The following CIDEB variants were observed in gnomAD, a reference collection of about 807,000 sequenced individuals.
The protein encoded by CIDEB is lipid transferase CIDEB.
In CIDEB, 27 loss-of-function variants were observed where a neutral mutation model predicts 22.4. That is an observed-to-expected ratio of 1.21 (90% confidence interval 0.89 to 1.66). The LOEUF (loss-of-function observed/expected upper bound fraction) is 1.66, where lower values mean the gene tolerates loss of function less well. Among genes scored for constraint, CIDEB ranks in the 40% most tolerant of loss-of-function variants. The pLI is 0.00. For missense variants in CIDEB, 289 were observed against 268.7 expected (o/e 1.08, Z -0.53); for synonymous variants, 103 against 109.5 (o/e 0.94, Z 0.37).
upstream of CIDEB, chr14:24,310,177 G>C: frequency 3.0e-6 from 1 of 338,082 alleles, no homozygotes; most frequent in Non-Finnish European, 5.5e-6. Flanking sequence ...ATAGGCACAG[G>C]ACAGGAGTAG....
Position 24,307,944 on chromosome 14 carries a change from A to C in CIDEB, c.-86T>G. 1 of 1,244,468 alleles carries C rather than the reference A, an allele frequency of 8.0e-7. No individual in the cohort carries two copies. The highest frequency in any genetic ancestry group is 1.2e-6 in the Non-Finnish European group (1 of 867,524). The allele number at this position is 1,244,468 out of a possible 1,614,324, so 77.1% of individuals were successfully genotyped here. On this transcript the variant is annotated 5_prime_UTR_variant, in exon 1 of 5. Coordinates refer to ENST00000554411, the MANE Select transcript of CIDEB (RefSeq NM_001393339.1). Reference sequence around the variant, plus strand: ...GGCTTTAGTGGTGTTTTCTGTTACAAACCTGGGATCTCAGCCCAGGACAAG... The same window carrying C: ...GGCTTTAGTGGTGTTTTCTGTTACACACCTGGGATCTCAGCCCAGGACAAG...
chr14:24,308,154 T>C (rs954647348), upstream of CIDEB: 7 of 454,808 alleles, frequency 1.5e-5, no homozygotes, highest in East Asian at 2.4e-4. Context: ...ATGGGAACCA[T>C]GTAAAAGGAT....
At position 24,305,211 on chromosome 14, in the gene CIDEB, T is replaced by C; in HGVS notation, c.*422A>G. ...CTTAGTGGTAAATATTTGATATTTT[T>C]ATTGGAAATGTTTTTGTTAGTTTGA... On this transcript the variant is annotated 3_prime_UTR_variant, in exon 5 of 5. Coordinates refer to ENST00000554411, the MANE Select transcript of CIDEB (RefSeq NM_001393339.1). 3 of 1,127,430 alleles carry C rather than the reference T, an allele frequency of 2.7e-6. No homozygotes were observed. Among genetic ancestry groups the C allele is most frequent in the Non-Finnish European group, 3.6e-6 (3 of 843,750 alleles). The allele number at this position is 1,127,430 out of a possible 1,614,324, so 69.8% of individuals were successfully genotyped here. A position where few individuals can be genotyped will look rare whatever the true frequency, so the allele number is the denominator to read the frequency against.
chr14:24,307,977 T>C lies in CIDEB; in HGVS notation c.-119A>G, dbSNP rs2041572796. The C allele has an allele frequency of 4.2e-6, 4 of 957,354 alleles. No homozygotes were observed. The highest frequency in any genetic ancestry group is 1.6e-5 in the African/African-American group (1 of 61,362). The allele number at this position is 957,354 out of a possible 1,614,324, so 59.3% of individuals were successfully genotyped here. A position where few individuals can be genotyped will look rare whatever the true frequency, so the allele number is the denominator to read the frequency against. ...ATCTCAGCCCAGGACAAGGTGGGAA[T>C]GAGTCAAGCCTGGACTCTGGCCCCC... On this transcript the variant is annotated 5_prime_UTR_variant, in exon 1 of 5. Transcript: ENST00000554411.
intron 1 of CIDEB, 70 bp from the exon 2 acceptor site, chr14:24,307,585 G>T: frequency 6.5e-7 from 1 of 1,545,882 alleles, no homozygotes; most frequent in Non-Finnish European, 8.8e-7. Context: ...CATGATGAGG[G>T]TAGAGTGGCT....
At chr14:24,306,624 TC>T in intron 2 of CIDEB, 101 bp from the exon 3 acceptor site, 2 of 1,505,356 alleles carry the variant, frequency 1.3e-6, no homozygotes, top group Non-Finnish European at 1.8e-6. Context: ...TTGGTCGATG[TC>T]CCACTTTGAC....
At chr14:24,307,195 C>A (rs1053649) in intron 2 of CIDEB, 176 bp downstream of exon 2, 585,980 of 615,498 alleles carry the variant, frequency 0.95, 279,223 homozygotes, top group Middle Eastern at 0.97. Context: ...AAAGCTCACT[C>A]GGTGGAAAAT....
upstream of CIDEB, chr14:24,311,160 C>A (rs76678850): frequency 1.2e-6 from 2 of 1,603,594 alleles, no homozygotes; most frequent in African/African-American, 1.3e-5. Flanking sequence ...GTGGAGGGAC[C>A]GCGTATGCCA....
chr14:24,309,716 C>T (rs1186140718), upstream of CIDEB: 4 of 152,374 alleles, frequency 2.6e-5, no homozygotes, highest in Non-Finnish European at 5.9e-5. Flanking sequence ...GGTGAGAGCC[C>T]TGAGGGTGGA....
upstream of CIDEB, chr14:24,310,642 C>T (rs2041661966): frequency 6.2e-7 from 1 of 1,613,380 alleles, no homozygotes; most frequent in South Asian, 1.1e-5. Context: ...TGGCGCCTTC[C>T]ACCCACCTGT....
upstream of CIDEB, chr14:24,310,570 G>A (rs2041657849): frequency 7.6e-7 from 1 of 1,309,364 alleles, no homozygotes; most frequent in Non-Finnish European, 1.1e-6. Flanking sequence ...TAAGGAGGAG[G>A]CATGGCACCT....
At chr14:24,308,127 A>G (rs548584223), upstream of CIDEB, 87 of 531,660 alleles carry the variant, frequency 1.6e-4, 1 homozygote, top group South Asian at 1.7e-3. Flanking sequence ...TGGTGATGAC[A>G]TGTGTTGTGA....
chr14:24,311,427 C>T, upstream of CIDEB: 2 of 1,601,272 alleles, frequency 1.2e-6, no homozygotes, highest in Middle Eastern at 3.3e-4. Flanking sequence ...GCTGGCTCCA[C>T]CGGAAGGGGC....
At chr14:24,310,330 AAAG>A (rs2041648534), upstream of CIDEB, 5 of 597,812 alleles carry the variant, frequency 8.4e-6, no homozygotes, top group East Asian at 5.5e-5. Flanking sequence ...GGGGCTGGAC[AAAG>A]AAGGAGGGGC....
At chr14:24,311,047 T>C, upstream of CIDEB, 2 of 1,576,756 alleles carry the variant, frequency 1.3e-6, no homozygotes, top group East Asian at 4.7e-5. Context: ...CGCCCCTTCC[T>C]GGCGCCTCGG....
Position 24,305,611 on chromosome 14 carries a change from G to C in CIDEB, c.*22C>G, listed in dbSNP as rs1003920918. ...GCAGTGGGTCGGTTGGAATGATTCT[G>C]GGGGCAGAAGCTCAGAGCCCCTTAG... On this transcript the variant is annotated 3_prime_UTR_variant, in exon 5 of 5. Transcript: ENST00000554411. 2 of 1,603,816 alleles carry C rather than the reference G, an allele frequency of 1.2e-6. No homozygotes were observed. Among genetic ancestry groups the C allele is most frequent in the Non-Finnish European group, 8.5e-7 (1 of 1,175,588 alleles).
chr14:24,306,678 G>T, intron 2 of CIDEB, 155 bp from the exon 3 acceptor site: 1 of 874,262 alleles, frequency 1.1e-6, no homozygotes, highest in Non-Finnish European at 1.7e-6. Flanking sequence ...AGCTCTCCGT[G>T]TTCTTCAGTT....
Position 24,305,243 on chromosome 14 carries a change from G to C in CIDEB, c.*390C>G. On this transcript the variant is annotated 3_prime_UTR_variant, in exon 5 of 5. Coordinates refer to ENST00000554411, the MANE Select transcript of CIDEB (RefSeq NM_001393339.1). The stretch of plus-strand genomic sequence containing the variant: ...AATGTTTTTGTTAGTTTGAGGGGAA[G>C]GGTATGAAGACAGATCTCAAGGTAA... The C allele has an allele frequency of 2.2e-6, 2 of 889,948 alleles. No individual in the cohort carries two copies. Among genetic ancestry groups the C allele is most frequent in the Non-Finnish European group, 3.2e-6 (2 of 634,382 alleles). The allele number at this position is 889,948 out of a possible 1,614,324, so 55.1% of individuals were successfully genotyped here. A position where few individuals can be genotyped will look rare whatever the true frequency, so the allele number is the denominator to read the frequency against.
intron 1 of CIDEB, 66 bp downstream of exon 1, chr14:24,307,752 G>C (rs534476366): frequency 2.0e-6 from 3 of 1,487,546 alleles, no homozygotes; most frequent in South Asian, 1.2e-5. Flanking sequence ...TAGGGGCTGA[G>C]TGGAGTATTG....
Sources: allele counts gnomAD v4.1 joint callset, GRCh38; gene constraint gnomAD v4.1.1; transcripts MANE v1.5; gene names NCBI Gene and HGNC (gene_info 2026-07-23, HGNC 2026-07-21).